The following MAGI2 variants were observed in gnomAD, a reference collection of about 807,000 sequenced individuals.
The protein encoded by MAGI2 is membrane associated guanylate kinase, WW and PDZ domain containing 2.
A neutral mutation model predicts 133.3 loss-of-function variants in MAGI2; 35 were observed. That is an observed-to-expected ratio of 0.26 (90% confidence interval 0.20 to 0.35). MAGI2 has a LOEUF of 0.35. Among genes scored for constraint, MAGI2 ranks in the 10% least tolerant of loss-of-function variants. The pLI is 1.00. For synonymous variants in MAGI2, 729 were observed against 710.6 expected (o/e 1.03, Z -0.41); for missense variants, 1,636 against 1,863.4 (o/e 0.88, Z 2.25).
chr7:78,803,770 T>C (rs1332727745), intron 2 of MAGI2, among the ~76,000 whole-genome samples: 9 of 152,226 alleles, frequency 5.9e-5, no homozygotes, highest in Admixed American at 5.9e-4. Flanking sequence ...TGCTACTTTA[T>C]GTGTGACTAA....
intron 9 of MAGI2, among the ~76,000 whole-genome samples, chr7:78,302,830 C>T (rs534637775): frequency 1.3e-5 from 2 of 152,164 alleles, no homozygotes; most frequent in Non-Finnish European, 2.9e-5. Flanking sequence ...CTGATGGCAA[C>T]GTCATTACAC....
intron 2 of MAGI2, among the ~76,000 whole-genome samples, chr7:78,740,607 A>G (rs190265112): frequency 1.2e-4 from 18 of 152,326 alleles, no homozygotes; most frequent in Middle Eastern, 3.4e-3. Context: ...AAAAAGCACA[A>G]GCAGCTAGGG....
intron 6 of MAGI2, among the ~76,000 whole-genome samples, chr7:78,420,333 G>T (rs1249561741): frequency 6.6e-6 from 1 of 152,156 alleles, no homozygotes; most frequent in Non-Finnish European, 1.5e-5. Flanking sequence ...TGAAAAATTT[G>T]GGAAGTGCTT....
At chr7:78,660,592 T>C (rs1812839199) in intron 2 of MAGI2, among the ~76,000 whole-genome samples, 1 of 152,146 alleles carries the variant, frequency 6.6e-6, no homozygotes, top group African/African-American at 2.4e-5. Context: ...ATTTAAGAAG[T>C]AATGAAGAAA....
chr7:79,438,645 T>C (rs1169355029), intron 1 of MAGI2, among the ~76,000 whole-genome samples: 4 of 152,064 alleles, frequency 2.6e-5, no homozygotes, highest in African/African-American at 7.2e-5. Flanking sequence ...AAGTCATTTT[T>C]GCCTAGTGCC....
chr7:79,307,859 T>A (rs1432252838), intron 1 of MAGI2, among the ~76,000 whole-genome samples: 1 of 152,224 alleles, frequency 6.6e-6, no homozygotes, highest in Non-Finnish European at 1.5e-5. Context: ...TTGTATATTC[T>A]TATTTTAAAT....
intron 1 of MAGI2, among the ~76,000 whole-genome samples, chr7:79,438,934 A>G (rs117746351): frequency 3.3e-5 from 5 of 152,300 alleles, no homozygotes; most frequent in South Asian, 2.1e-4. Flanking sequence ...TATAATGTCC[A>G]TAGGCTTTAT....
intron 21 of MAGI2, among the ~76,000 whole-genome samples, chr7:78,021,235 G>A (rs1311512309): frequency 6.6e-6 from 1 of 152,216 alleles, no homozygotes; most frequent in East Asian, 1.9e-4. Context: ...TATGTCTCAT[G>A]ACCTTGGAAA....
At chr7:78,653,421 T>C (rs1330693719) in intron 2 of MAGI2, among the ~76,000 whole-genome samples, 19 of 152,120 alleles carry the variant, frequency 1.2e-4, no homozygotes, top group Non-Finnish European at 1.6e-4. Flanking sequence ...AAAGAAAATG[T>C]GGCACATATA....
intron 1 of MAGI2, among the ~76,000 whole-genome samples, chr7:79,286,085 G>T (rs1189563955): frequency 6.6e-6 from 1 of 152,100 alleles, no homozygotes; most frequent in African/African-American, 2.4e-5. Flanking sequence ...CTGGAATGAG[G>T]GGAAGAAGAG....
intron 6 of MAGI2, among the ~76,000 whole-genome samples, chr7:78,461,220 G>C (rs575453454): frequency 3.4e-4 from 51 of 152,146 alleles, no homozygotes; most frequent in African/African-American, 1.2e-3. Context: ...CATATTACCT[G>C]TGCTAGGTCA....
chr7:79,081,014 A>G (rs999547856), intron 1 of MAGI2, among the ~76,000 whole-genome samples: 1 of 152,062 alleles, frequency 6.6e-6, no homozygotes. Context: ...ATGGTTTCCC[A>G]TTGTTCTTAG....
chr7:78,741,100 G>A (rs1289946006), intron 2 of MAGI2, among the ~76,000 whole-genome samples: 1 of 152,048 alleles, frequency 6.6e-6, no homozygotes, highest in African/African-American at 2.4e-5. Context: ...CTTGATTGGG[G>A]AGATTCTATA....
chr7:79,418,655 G>C (rs115653741), intron 1 of MAGI2, among the ~76,000 whole-genome samples: 3,030 of 151,880 alleles, frequency 0.02, 108 homozygotes, highest in African/African-American at 0.068. Flanking sequence ...CAGGGAAGAA[G>C]GCTGACTAGA....
At chr7:78,141,595 G>A (rs758115273) in intron 16 of MAGI2, among the ~76,000 whole-genome samples, 4 of 152,126 alleles carry the variant, frequency 2.6e-5, no homozygotes, top group Non-Finnish European at 4.4e-5. Flanking sequence ...GTGAAATTTA[G>A]CTTTCCAAAG....
chr7:78,113,433 A>G (rs1341742769), intron 20 of MAGI2, among the ~76,000 whole-genome samples: 1 of 152,172 alleles, frequency 6.6e-6, no homozygotes, highest in Non-Finnish European at 1.5e-5. Flanking sequence ...ACAGTCGTGC[A>G]CCACATAATG....
chr7:78,092,369 G>C (rs1191417810), intron 20 of MAGI2, among the ~76,000 whole-genome samples: 1 of 152,118 alleles, frequency 6.6e-6, no homozygotes, highest in Non-Finnish European at 1.5e-5. Flanking sequence ...CTATCATTTT[G>C]ATGCACGAAA....
chr7:78,575,327 A>G (rs1384817084), intron 3 of MAGI2, among the ~76,000 whole-genome samples: 1 of 152,152 alleles, frequency 6.6e-6, no homozygotes, highest in Non-Finnish European at 1.5e-5. Context: ...TACTTTTTGC[A>G]CCAACCTAAT....
At chr7:78,378,507 C>A (rs977934557) in intron 6 of MAGI2, among the ~76,000 whole-genome samples, 1 of 151,906 alleles carries the variant, frequency 6.6e-6, no homozygotes, top group Admixed American at 6.6e-5. Context: ...AAGCTCCTTA[C>A]AATGGAAAAA....
Sources: allele counts gnomAD v4.1 joint callset (sites outside exome capture counted in the v4.1 genomes callset), GRCh38; gene constraint gnomAD v4.1.1; transcripts MANE v1.5; gene names NCBI Gene and HGNC (gene_info 2026-07-23, HGNC 2026-07-21).